PITPNC1: variants seen among roughly 807,000 people sequenced by gnomAD.
PITPNC1 encodes phosphatidylinositol transfer protein cytoplasmic 1, also known as cytoplasmic phosphatidylinositol transfer protein 1.
A neutral mutation model predicts 44.7 loss-of-function variants in PITPNC1; 18 were observed. The observed-to-expected ratio is 0.40, with a 90% CI of 0.28 to 0.60. PITPNC1 has a LOEUF of 0.60. Among genes scored for constraint, PITPNC1 ranks in the 20% least tolerant of loss-of-function variants. The pLI is 0.39. For missense variants in PITPNC1, 290 were observed against 418.4 expected, an observed-to-expected ratio of 0.69 and a Z score of 2.68; for synonymous variants, 141 against 149.6, an observed-to-expected ratio of 0.94 and a Z score of 0.42.
At chr17:67,675,639 C>A in intron 8 of PITPNC1, 97 bp downstream of exon 8, 1 of 804,848 alleles carries the variant, frequency 1.2e-6, no homozygotes, top group Non-Finnish European at 2.2e-6. Flanking sequence ...AGGACAACAA[C>A]AAAGGCAAGG....
At chr17:67,580,313 T>G (rs2041212212) in intron 5 of PITPNC1, among the ~76,000 whole-genome samples, 1 of 152,180 alleles carries the variant, frequency 6.6e-6, no homozygotes, top group South Asian at 2.1e-4. Flanking sequence ...TTGCTTGAAT[T>G]GCTTTTCCTG....
chr17:67,496,861 C>G (rs2039958574), intron 1 of PITPNC1, among the ~76,000 whole-genome samples: 1 of 151,896 alleles, frequency 6.6e-6, no homozygotes, highest in South Asian at 2.1e-4. Flanking sequence ...GAGCGAGAAG[C>G]CTTCTTTCCG....
chr17:67,679,784 G>A (rs2042670083), intron 8 of PITPNC1, among the ~76,000 whole-genome samples: 1 of 152,148 alleles, frequency 6.6e-6, no homozygotes, highest in African/African-American at 2.4e-5. Context: ...CGACTAGAAC[G>A]CTAATCAGAG....
intron 1 of PITPNC1, among the ~76,000 whole-genome samples, chr17:67,425,197 G>GCGCACGCACACA (rs748898605): frequency 1.0e-5 from 1 of 98,428 alleles, no homozygotes; most frequent in Non-Finnish European, 2.1e-5. Context: ...GCGCGCGCAC[G>GCGCACGCACACA]CACACGCACA....
intron 1 of PITPNC1, among the ~76,000 whole-genome samples, chr17:67,425,244 C>CAGAGGGAGAGAGAGAGAGAAGTG (rs2038743476): frequency 8.6e-6 from 1 of 115,884 alleles, no homozygotes; most frequent in Non-Finnish European, 1.9e-5. Context: ...CACACACACA[C>CAGAGGGAGAGAGAGAGAGAAGTG]ACACACACAC....
At chr17:67,627,559 T>A (rs970274182) in intron 5 of PITPNC1, among the ~76,000 whole-genome samples, 2 of 152,212 alleles carry the variant, frequency 1.3e-5, no homozygotes, top group African/African-American at 2.4e-5. Context: ...CAGTGACAGT[T>A]TCTCAGGACA....
intron 6 of PITPNC1, among the ~76,000 whole-genome samples, chr17:67,640,478 G>A (rs927408879): frequency 4.0e-5 from 6 of 151,616 alleles, no homozygotes; most frequent in African/African-American, 9.7e-5. Flanking sequence ...TCAGGAGTTC[G>A]AGACCAGCCT....
intron 1 of PITPNC1, among the ~76,000 whole-genome samples, chr17:67,512,374 G>GCAC (rs1221138401): frequency 2.6e-5 from 4 of 152,096 alleles, no homozygotes; most frequent in African/African-American, 9.7e-5. Context: ...GATGATGGGT[G>GCAC]CCTGTAATCC....
At chr17:67,431,576 G>A (rs890591678) in intron 1 of PITPNC1, among the ~76,000 whole-genome samples, 1 of 152,196 alleles carries the variant, frequency 6.6e-6, no homozygotes, top group Non-Finnish European at 1.5e-5. Flanking sequence ...TTTGGACGTT[G>A]AGTGGAATAC....
chr17:67,484,939 A>G (rs1396658266), intron 1 of PITPNC1, among the ~76,000 whole-genome samples: 1 of 151,768 alleles, frequency 6.6e-6, no homozygotes, highest in East Asian at 1.9e-4. Context: ...CTCCATCTCA[A>G]AAAAAAAACT....
chr17:67,381,354 G>A (rs1045532687), intron 1 of PITPNC1, among the ~76,000 whole-genome samples: 1 of 150,722 alleles, frequency 6.6e-6, no homozygotes. Context: ...AAAGGGCTGG[G>A]ATTACAGGCA....
chr17:67,378,930 T>C, intron 1 of PITPNC1: 2 of 979,376 alleles, frequency 2.0e-6, no homozygotes, highest in Non-Finnish European at 2.4e-6. Context: ...GGGCCGCGGC[T>C]GCCGGCTGGG....
At chr17:67,491,962 G>A (rs1268218666) in intron 1 of PITPNC1, among the ~76,000 whole-genome samples, 3 of 151,682 alleles carry the variant, frequency 2.0e-5, no homozygotes, top group Admixed American at 1.3e-4. Flanking sequence ...CATTGTGCCA[G>A]TGAAATGCCA....
chr17:67,463,376 T>G (rs1265440760), intron 1 of PITPNC1, among the ~76,000 whole-genome samples: 1 of 152,174 alleles, frequency 6.6e-6, no homozygotes, highest in Admixed American at 6.5e-5. Context: ...TTTTCATACA[T>G]GCAGTTGTGG....
At chr17:67,488,100 C>A (rs2039808091) in intron 1 of PITPNC1, among the ~76,000 whole-genome samples, 1 of 151,892 alleles carries the variant, frequency 6.6e-6, no homozygotes, top group Non-Finnish European at 1.5e-5. Context: ...GAATACTAAG[C>A]AAAAAGGAAA....
intron 7 of PITPNC1, among the ~76,000 whole-genome samples, chr17:67,669,868 T>TC (rs1342650583): frequency 6.6e-5 from 10 of 152,188 alleles, no homozygotes; most frequent in South Asian, 6.2e-4. Flanking sequence ...GGCCAAGAGT[T>TC]CAAGACCGGC....
At chr17:67,489,653 C>T (rs1325974615) in intron 1 of PITPNC1, among the ~76,000 whole-genome samples, 2 of 152,206 alleles carry the variant, frequency 1.3e-5, no homozygotes, top group Admixed American at 1.3e-4. Context: ...AATATGCAGC[C>T]AGGGTTCTGT....
At chr17:67,486,816 G>A (rs960814047) in intron 1 of PITPNC1, among the ~76,000 whole-genome samples, 2 of 152,072 alleles carry the variant, frequency 1.3e-5, no homozygotes, top group Non-Finnish European at 2.9e-5. Flanking sequence ...AGTGTGGCAT[G>A]TTCTGCATTC....
intron 1 of PITPNC1, among the ~76,000 whole-genome samples, chr17:67,409,272 G>A (rs2038455688): frequency 6.6e-6 from 1 of 150,742 alleles, no homozygotes; most frequent in Admixed American, 6.6e-5. Context: ...TTTTAGTAGA[G>A]ACGGGGTTTC....
Sources: gnomAD v4.1 joint callset for allele counts (sites outside exome capture counted in the v4.1 genomes callset) on GRCh38, gnomAD v4.1.1 for gene constraint, MANE v1.5 for transcripts, NCBI Gene and HGNC (gene_info 2026-07-23, HGNC 2026-07-21) for gene names.